UGT1A9: variants seen among roughly 807,000 people sequenced by gnomAD.
UGT1A9 encodes the protein UDP glucuronosyltransferase family 1 member A9, also known as UDP-glucuronosyltransferase 1A9.
UGT1A9 carries 35 observed loss-of-function variants against 45.0 expected under a neutral mutation model. That is an observed-to-expected ratio of 0.78 (90% confidence interval 0.59 to 1.03). UGT1A9 has a LOEUF of 1.03. UGT1A9 is among the 50% of genes least tolerant of loss of function. The probability of loss-of-function intolerance (pLI) is 0.00; values close to 1 mark genes in which losing one functional copy is unlikely to be tolerated. For missense variants in UGT1A9, 687 were observed against 666.6 expected, an observed-to-expected ratio of 1.03 and a Z score of -0.34; for synonymous variants, 278 against 250.6, an observed-to-expected ratio of 1.11 and a Z score of -1.03.
chr2:233,718,386 A>T (rs1466849872), intron 1 of UGT1A9, among the ~76,000 whole-genome samples: 1 of 152,240 alleles, frequency 6.6e-6, no homozygotes, highest in East Asian at 1.9e-4. Context: ...AAGAGTTTCA[A>T]GGGTTAGCAA....
intron 1 of UGT1A9, among the ~76,000 whole-genome samples, chr2:233,756,863 G>A (rs956259550): frequency 6.6e-6 from 1 of 152,072 alleles, no homozygotes; most frequent in Non-Finnish European, 1.5e-5. Flanking sequence ...GGTTCATAAA[G>A]GGTATTAGGT....
rs2075126761 is a variant in UGT1A9, at chr2:233,693,015, T to G, written c.855+20226T>G. 4 of 1,614,174 alleles carry G rather than the reference T, an allele frequency of 2.5e-6. No individual in the cohort carries two copies. The East Asian group carries it at 8.9e-5, about 36-fold the overall frequency. On this transcript the variant is annotated intron_variant, in intron 1 of 4. Coordinates refer to ENST00000354728, the MANE Select transcript of UGT1A9 (RefSeq NM_021027.3). The stretch of plus-strand genomic sequence containing the variant: ...TTAACTCTTTCCAGGATGGCCTGCC[T>G]CCTTCGCTCATTTCAGAGAATTTCT...
At chr2:233,701,840 A>G (rs1343611147) in intron 1 of UGT1A9, among the ~76,000 whole-genome samples, 2 of 152,200 alleles carry the variant, frequency 1.3e-5, no homozygotes, top group African/African-American at 4.8e-5. Context: ...GACACATTCA[A>G]AGCAGTGTGT....
intron 1 of UGT1A9, among the ~76,000 whole-genome samples, chr2:233,687,219 G>T (rs1271855173): frequency 6.6e-6 from 1 of 152,128 alleles, no homozygotes; most frequent in Non-Finnish European, 1.5e-5. Flanking sequence ...GCATTTTCCA[G>T]CACAATTATC....
intron 1 of UGT1A9, chr2:233,729,060 A>T: frequency 1.9e-6 from 3 of 1,610,660 alleles, no homozygotes; most frequent in Non-Finnish European, 2.5e-6. Context: ...GGTAATTAAG[A>T]TGAAGAAAGC....
rs1105880 is a variant in UGT1A9, at chr2:233,693,319, A to G, written c.855+20530A>G. 0.35 allele frequency: 562,647 copies of G among 1,613,864 alleles called. 100,186 individuals are homozygous for G. Among genetic ancestry groups the G allele is most frequent in the South Asian group, 0.44 (40,333 of 91,054 alleles). Reference sequence around the variant, plus strand: ...ATCACTTTGCTGAGCGATCATTCCTAACTGCTCCTCAGACAGAGTACAGGA... The same window carrying G: ...ATCACTTTGCTGAGCGATCATTCCTGACTGCTCCTCAGACAGAGTACAGGA... On this transcript the variant is annotated intron_variant, in intron 1 of 4. Coordinates refer to ENST00000354728, the MANE Select transcript of UGT1A9 (RefSeq NM_021027.3).
intron 1 of UGT1A9, chr2:233,690,788 C>T (rs1272756099): frequency 8.7e-7 from 1 of 1,145,542 alleles, no homozygotes; most frequent in African/African-American, 1.7e-5. Context: ...CACACACACA[C>T]ACACACACAC....
chr2:233,725,091 G>T (rs1474788345), intron 1 of UGT1A9, among the ~76,000 whole-genome samples: 2 of 144,822 alleles, frequency 1.4e-5, no homozygotes, highest in African/African-American at 5.2e-5. Context: ...GCAGGCTGAG[G>T]CAGGAGAATC....
intron 1 of UGT1A9, among the ~76,000 whole-genome samples, chr2:233,720,207 G>A (rs764211548): frequency 6.6e-6 from 1 of 152,150 alleles, no homozygotes; most frequent in Non-Finnish European, 1.5e-5. Flanking sequence ...TGTGAAGGTG[G>A]GATGGATGCA....
chr2:233,755,793 G>T (rs1244262397), intron 1 of UGT1A9: 1 of 152,190 alleles, frequency 6.6e-6, no homozygotes, highest in African/African-American at 2.4e-5. Flanking sequence ...CATATGTACT[G>T]CATTAGAGAT....
At position 233,698,499 on chromosome 2, in the gene UGT1A9, G is replaced by A. The variant is rs547342944; in HGVS notation, c.855+25710G>A. Among the ~76,000 whole-genome samples, 3 of 152,270 alleles carry A rather than the reference G, an allele frequency of 2.0e-5. No homozygotes were observed. In the South Asian group the frequency reaches 6.2e-4, roughly 32 times the overall value. ...AGCTTAAAAATGCAGTCCTCATTAG[G>A]CAAATCACATAATCGGCAATACATA... On this transcript the variant is annotated intron_variant, in intron 1 of 4. Transcript: ENST00000354728.
rs1174960322 is a variant in UGT1A9 at position 233,769,336 on chromosome 2, A to G, written c.1295+897A>G. 6.6e-6 allele frequency among the ~76,000 whole-genome samples: 1 copy of G among 152,252 alleles called. No individual in the cohort carries two copies. The highest frequency in any genetic ancestry group is 1.9e-4 in the East Asian group (1 of 5,208). ...AGCTCACTGGTAATAGGCTTATTAG[A>G]ACCTTATGGGAAGAAGTGGTGGCCA... On this transcript the variant is annotated intron_variant, in intron 4 of 4. Transcript: ENST00000354728. The surrounding 1 kb of genome is among the most constrained non-coding windows in gnomAD (Gnocchi z 4.4).
At chr2:233,690,381 G>A (rs890427076) in intron 1 of UGT1A9, 15 of 1,010,112 alleles carry the variant, frequency 1.5e-5, no homozygotes, top group Admixed American at 1.1e-4. Flanking sequence ...TAGGGTCCAC[G>A]TTTCCAGACC....
chr2:233,690,197 T>G (rs1274270744), intron 1 of UGT1A9, among the ~76,000 whole-genome samples: 3 of 152,264 alleles, frequency 2.0e-5, no homozygotes, highest in African/African-American at 7.2e-5. Flanking sequence ...AAAATATTCA[T>G]AAATTCAATG....
rs377066301 is a variant in UGT1A9 at position 233,682,091 on chromosome 2, G to A, written c.855+9302G>A. The A allele has an allele frequency of 7.4e-6, 12 of 1,613,970 alleles. No homozygotes were observed. In the African/African-American group the frequency reaches 1.5e-4, roughly 20 times the overall value. The stretch of plus-strand genomic sequence containing the variant: ...GGTGGTGGAGAAACTCATCCTCAGG[G>A]GGCATGAGGTGGTCGTAGTCATGCC... On this transcript the variant is annotated intron_variant, in intron 1 of 4. Transcript: ENST00000354728.
chr2:233,724,281 C>CA (rs1553611764), intron 1 of UGT1A9, among the ~76,000 whole-genome samples: 3 of 111,954 alleles, frequency 2.7e-5, no homozygotes, highest in South Asian at 3.3e-4. Flanking sequence ...GCTGGCCGGG[C>CA]GGGGGGCTGA....
Position 233,767,829 on chromosome 2 carries a change from G to A in UGT1A9, c.988-20G>A. On this transcript the variant is annotated intron_variant, in intron 2 of 4. Coordinates refer to ENST00000354728, the MANE Select transcript of UGT1A9 (RefSeq NM_021027.3). ...ATATTATGTTCTTTCTTTACGTTCT[G>A]CTCTTTTTGCCCCTCCCAGGTCCTG... 6.2e-7 allele frequency: 1 copy of A among 1,614,106 alleles called. No individual in the cohort carries two copies.
At chr2:233,717,819 G>A (rs1272526247) in intron 1 of UGT1A9, 4 of 455,464 alleles carry the variant, frequency 8.8e-6, no homozygotes, top group East Asian at 6.9e-5. Flanking sequence ...TATGCAGCCC[G>A]TTCTGTTCTG....
chr2:233,746,509 A>C (rs1693414450), intron 1 of UGT1A9, among the ~76,000 whole-genome samples: 1 of 151,796 alleles, frequency 6.6e-6, no homozygotes, highest in Admixed American at 6.5e-5. Flanking sequence ...AGTAGCCCCC[A>C]AAGCAAGACC....
Sources: gnomAD v4.1 joint callset for allele counts (sites outside exome capture counted in the v4.1 genomes callset) on GRCh38, gnomAD v4.1.1 for gene constraint, Gnocchi (gnomAD v3.1) non-coding constraint, MANE v1.5 for transcripts, NCBI Gene and HGNC (gene_info 2026-07-23, HGNC 2026-07-21) for gene names.